KCTD15: variants seen among roughly 807,000 people sequenced by gnomAD.
KCTD15 encodes the protein potassium channel tetramerization domain containing 15.
In KCTD15, 11 loss-of-function variants were observed where a neutral mutation model predicts 27.2. The observed-to-expected ratio is 0.41, with a 90% CI of 0.25 to 0.67. The LOEUF (loss-of-function observed/expected upper bound fraction) is 0.67. Ranked by LOEUF, KCTD15 falls within the 30% of genes least tolerant of loss-of-function variation. KCTD15 has a pLI of 0.35. For synonymous variants in KCTD15, 163 were observed against 176.0 expected (o/e 0.93, Z 0.58); for missense variants, 350 against 409.3 (o/e 0.86, Z 1.25).
chr19:33,800,285 C>T lies in KCTD15; in HGVS notation c.-27-143C>T, dbSNP rs182454358. ...GTGGAGACAGATAGAGAGATAGTGG[C>T]GGTGGAGTCAATCAGGGAGGGCTGC... On this transcript the variant is annotated intron_variant, in intron 2 of 6. Transcript: ENST00000683859. The T allele has an allele frequency of 2.4e-3, 1,557 of 655,130 alleles. 4 individuals carry two copies. The highest frequency in any genetic ancestry group is 5.9e-3 in the Admixed American group (250 of 42,522). The allele number at this position is 655,130 out of a possible 1,614,324, so 40.6% of individuals were successfully genotyped here.
chr19:33,811,591 G>A (rs756027255), intron 6 of KCTD15, 39 bp downstream of exon 6: 9 of 1,571,672 alleles, frequency 5.7e-6, no homozygotes, highest in African/African-American at 4.0e-5. Flanking sequence ...CCGCACCCCC[G>A]GCGTCCGCGG....
rs1274534276 is a variant in KCTD15 at position 33,801,352 on chromosome 19, A to T, written c.242+10A>T. Reference sequence around the variant, plus strand: ...AGTACCCTGACTCCAGGTAAGAGTAAGCCCCTTGAAACATCAGGCATGTGT... The same window carrying T: ...AGTACCCTGACTCCAGGTAAGAGTATGCCCCTTGAAACATCAGGCATGTGT... On this transcript the variant is annotated intron_variant, in intron 4 of 6. Coordinates refer to ENST00000683859, the MANE Select transcript of KCTD15 (RefSeq NM_001129994.2). The T allele has an allele frequency of 6.3e-7, 1 of 1,599,454 alleles. No homozygotes were observed. Among genetic ancestry groups the T allele is most frequent in the Admixed American group, 1.7e-5 (1 of 58,956 alleles).
intron 4 of KCTD15, among the ~76,000 whole-genome samples, chr19:33,803,304 C>T (rs1975618446): frequency 6.6e-6 from 1 of 152,244 alleles, no homozygotes; most frequent in Non-Finnish European, 1.5e-5. Context: ...AAGAGCCCCT[C>T]AGATCTCTCT....
In KCTD15 at chr19:33,813,307, C is replaced by T. The variant is rs1975990124; in HGVS notation, c.*359C>T. 3.7e-6 allele frequency: 2 copies of T among 542,180 alleles called. No individual in the cohort carries two copies. The highest frequency in any genetic ancestry group is 2.2e-5 in the Admixed American group (1 of 44,846). 33.6% of individuals were successfully genotyped at this position (542,180 alleles called of 1,614,324 possible). A position where few individuals can be genotyped will look rare whatever the true frequency, so the allele number is the denominator to read the frequency against. On this transcript the variant is annotated 3_prime_UTR_variant, in exon 7 of 7. Coordinates refer to ENST00000683859, the MANE Select transcript of KCTD15 (RefSeq NM_001129994.2). The stretch of plus-strand genomic sequence containing the variant: ...TTCAGAGGAGCTGTTTATCCCTCTC[C>T]ACGCGGGGCAGACTCTGGCGGGTCT...
At chr19:33,809,144 G>C (rs287102) in intron 5 of KCTD15, among the ~76,000 whole-genome samples, 23,140 of 151,870 alleles carry the variant, frequency 0.15, 1,918 homozygotes, top group African/African-American at 0.21. Context: ...GGGCGTGGTG[G>C]TGTGCACCTG....
At chr19:33,797,367 T>C (rs530466829) in intron 1 of KCTD15, 1 of 454,236 alleles carries the variant, frequency 2.2e-6, no homozygotes, top group Admixed American at 2.4e-5. Flanking sequence ...CTGGCGAGTT[T>C]CCGGGGTCAG....
rs931747861 is a variant in KCTD15 at position 33,813,258 on chromosome 19, G to A, written c.*310G>A. 3.3e-6 allele frequency: 2 copies of A among 613,764 alleles called. No homozygotes were observed. Among genetic ancestry groups the A allele is most frequent in the Non-Finnish European group, 6.1e-6 (2 of 328,760 alleles). 38.0% of individuals were successfully genotyped at this position (613,764 alleles called of 1,614,324 possible). On this transcript the variant is annotated 3_prime_UTR_variant, in exon 7 of 7. Transcript: ENST00000683859. ...AGGCCCCGGGGCCTGTTGGGGCGGG[G>A]TTGGAAGAGCCGTCTGCAGCTACTT...
intron 5 of KCTD15, among the ~76,000 whole-genome samples, chr19:33,808,754 G>A (rs1377620585): frequency 6.6e-6 from 1 of 152,092 alleles, no homozygotes; most frequent in Non-Finnish European, 1.5e-5. Context: ...TTATGGATGA[G>A]GCCCCTTCCC....
intron 5 of KCTD15, among the ~76,000 whole-genome samples, chr19:33,811,044 G>C (rs1975885191): frequency 6.6e-6 from 1 of 152,116 alleles, no homozygotes; most frequent in Non-Finnish European, 1.5e-5. Flanking sequence ...GCTGCCCTTG[G>C]GACAAGGCTA....
intron 2 of KCTD15, 49 bp from the exon 3 acceptor site, chr19:33,800,379 A>G: frequency 1.4e-6 from 2 of 1,433,492 alleles, no homozygotes; most frequent in Non-Finnish European, 1.9e-6. Flanking sequence ...CCCATGGTAC[A>G]TGACTAGGAG....
upstream of KCTD15, among the ~76,000 whole-genome samples, chr19:33,795,609 C>T (rs1042566545): frequency 1.4e-4 from 21 of 152,030 alleles, no homozygotes; most frequent in African/African-American, 2.2e-4. Context: ...CAGTCGCGCG[C>T]TCCGTTTCCT....
At chr19:33,812,566 G>T (rs1975959486) in intron 6 of KCTD15, 47 of 1,265,980 alleles carry the variant, frequency 3.7e-5, no homozygotes, top group Non-Finnish European at 4.7e-5. Context: ...CGTCCAACTA[G>T]GTTTGCTAAC....
chr19:33,795,507 G>A (rs561753245), upstream of KCTD15, among the ~76,000 whole-genome samples: 44 of 151,768 alleles, frequency 2.9e-4, no homozygotes, highest in South Asian at 8.5e-3. Context: ...TCGGGACCCA[G>A]GCGCCGTTCC....
At chr19:33,810,266 C>T (rs898542640) in intron 5 of KCTD15, among the ~76,000 whole-genome samples, 17 of 152,280 alleles carry the variant, frequency 1.1e-4, no homozygotes, top group Non-Finnish European at 2.1e-4. Context: ...TGGCAGGGGG[C>T]GGGCTTCCCC....
At chr19:33,794,423 C>T (rs765819466), upstream of KCTD15, among the ~76,000 whole-genome samples, 1 of 152,182 alleles carries the variant, frequency 6.6e-6, no homozygotes, top group Non-Finnish European at 1.5e-5. Flanking sequence ...TCGCTTATAC[C>T]AATCTTTCAA....
chr19:33,803,143 CTGT>C (rs1434338396), intron 4 of KCTD15, among the ~76,000 whole-genome samples: 1 of 152,226 alleles, frequency 6.6e-6, no homozygotes, highest in East Asian at 1.9e-4. Context: ...CAAGGTGAAT[CTGT>C]TGTTCTGCCT....
In KCTD15 at chr19:33,805,759, C is replaced by T. The variant is rs540475596; in HGVS notation, c.243-1104C>T. On this transcript the variant is annotated intron_variant, in intron 4 of 6. Transcript: ENST00000683859. ...CAAACCAAGCCCTTGGCTACTCCCACCCCTCTTTAGGGTTCCTAGTTATCC... is the reference window on the plus strand; with the variant it reads ...CAAACCAAGCCCTTGGCTACTCCCATCCCTCTTTAGGGTTCCTAGTTATCC... Among the ~76,000 whole-genome samples the T allele has an allele frequency of 5.3e-5, 8 of 152,320 alleles. No individual in the cohort carries two copies. In the South Asian group the frequency reaches 6.2e-4, roughly 12 times the overall value.
chr19:33,795,419 C>G (rs1328225363), upstream of KCTD15, among the ~76,000 whole-genome samples: 1 of 152,062 alleles, frequency 6.6e-6, no homozygotes, highest in African/African-American at 2.4e-5. Context: ...CTCACCCCAG[C>G]TCCAGGCCGA....
chr19:33,799,708 A>C (rs1975465914), intron 2 of KCTD15: 1 of 152,556 alleles, frequency 6.6e-6, no homozygotes, highest in Admixed American at 6.5e-5. Context: ...CCATCTCCTG[A>C]TGCCTCGGGG....
Sources: allele counts gnomAD v4.1 joint callset (sites outside exome capture counted in the v4.1 genomes callset), GRCh38; gene constraint gnomAD v4.1.1; transcripts MANE v1.5; gene names NCBI Gene and HGNC (gene_info 2026-07-23, HGNC 2026-07-21).